The following ERBIN variants were observed in gnomAD, a reference collection of about 807,000 sequenced individuals.
The protein encoded by ERBIN is densin-180-like protein.
Under a neutral mutation model 158.4 loss-of-function variants are expected in ERBIN, and 60 were observed. That is an observed-to-expected ratio of 0.38 (90% confidence interval 0.31 to 0.47). ERBIN has a LOEUF of 0.47. Ranked by LOEUF, ERBIN falls within the 20% of genes least tolerant of loss-of-function variation. ERBIN has a pLI of 0.99. For synonymous variants in ERBIN, 594 were observed against 557.2 expected (o/e 1.07, Z -0.93); for missense variants, 1,610 against 1,648.0 (o/e 0.98, Z 0.40).
At chr5:65,929,707 C>CT (rs1315807639) in intron 1 of ERBIN, among the ~76,000 whole-genome samples, 1 of 142,894 alleles carries the variant, frequency 7.0e-6, no homozygotes, top group Admixed American at 7.1e-5. Flanking sequence ...GTGGCACAAT[C>CT]TCGACTCACC....
intron 4 of ERBIN, among the ~76,000 whole-genome samples, chr5:65,998,086 G>A (rs143171202): frequency 0.011 from 1,726 of 151,962 alleles, 28 homozygotes; most frequent in African/African-American, 0.038. Flanking sequence ...AATTAGCCAG[G>A]CGTGGTGGCA....
intron 17 of ERBIN, among the ~76,000 whole-genome samples, chr5:66,045,171 A>T (rs560911151): frequency 2.6e-5 from 4 of 152,186 alleles, no homozygotes; most frequent in African/African-American, 9.6e-5. Context: ...GTGAGCTATG[A>T]TCATGCCACA....
intron 14 of ERBIN, among the ~76,000 whole-genome samples, chr5:66,033,891 C>T (rs1757131601): frequency 6.6e-6 from 1 of 151,978 alleles, no homozygotes. Flanking sequence ...GGTGGATCAC[C>T]TGAGGTCAGG....
chr5:65,978,893 A>G (rs1009795916), intron 1 of ERBIN, among the ~76,000 whole-genome samples: 1 of 152,192 alleles, frequency 6.6e-6, no homozygotes, highest in Non-Finnish European at 1.5e-5. Context: ...ATCTGAAGGT[A>G]AACTGAACCA....
At chr5:65,944,514 C>T (rs998620578) in intron 1 of ERBIN, among the ~76,000 whole-genome samples, 5 of 152,020 alleles carry the variant, frequency 3.3e-5, no homozygotes, top group African/African-American at 1.2e-4. Flanking sequence ...AAGCAATCCT[C>T]CCACCTCGTC....
chr5:65,953,914 A>G (rs571475079), intron 1 of ERBIN, among the ~76,000 whole-genome samples: 10 of 151,896 alleles, frequency 6.6e-5, no homozygotes, highest in Non-Finnish European at 1.2e-4. Context: ...ATGAAATTAG[A>G]CCCCCCTCCC....
intron 1 of ERBIN, among the ~76,000 whole-genome samples, chr5:65,985,366 AG>A (rs1277329494): frequency 6.6e-6 from 1 of 152,374 alleles, no homozygotes; most frequent in East Asian, 1.9e-4. Flanking sequence ...CTGGGATTAC[AG>A]GCGTGAGCCA....
chr5:66,016,322 A>G (rs72770213), intron 7 of ERBIN, among the ~76,000 whole-genome samples: 5,654 of 152,322 alleles, frequency 0.037, 152 homozygotes, highest in Non-Finnish European at 0.054. Context: ...AGCTAAGCCT[A>G]TAATTACTAT....
chr5:66,013,900 C>G (rs1050930668), intron 6 of ERBIN, among the ~76,000 whole-genome samples: 6 of 152,002 alleles, frequency 3.9e-5, no homozygotes, highest in African/African-American at 9.7e-5. Flanking sequence ...TTTCTGTATG[C>G]TTGAGATACT....
intron 1 of ERBIN, among the ~76,000 whole-genome samples, chr5:65,983,523 G>A (rs894492981): frequency 3.3e-5 from 5 of 151,918 alleles, no homozygotes; most frequent in African/African-American, 7.3e-5. Context: ...TTCATAAAAT[G>A]ACTTGGAACT....
chr5:65,977,321 G>C (rs1314532033), intron 1 of ERBIN, among the ~76,000 whole-genome samples: 3 of 151,168 alleles, frequency 2.0e-5, no homozygotes, highest in South Asian at 2.1e-4. Context: ...CCTCCCGGAC[G>C]AGGTGGCTGC....
intron 13 of ERBIN, among the ~76,000 whole-genome samples, 183 bp downstream of exon 13, chr5:66,026,600 T>G (rs76368325): frequency 0.011 from 1,685 of 152,062 alleles, 35 homozygotes; most frequent in African/African-American, 0.037. Context: ...TACAATGAAA[T>G]CACTTCTTTC....
intron 1 of ERBIN, among the ~76,000 whole-genome samples, chr5:65,974,546 T>C (rs1018217206): frequency 2.6e-5 from 4 of 152,228 alleles, no homozygotes; most frequent in African/African-American, 4.8e-5. Context: ...AGGGATGACA[T>C]TGATAGTTAC....
intron 14 of ERBIN, among the ~76,000 whole-genome samples, chr5:66,036,031 A>G (rs957392710): frequency 1.3e-5 from 2 of 152,134 alleles, no homozygotes; most frequent in East Asian, 1.9e-4. Flanking sequence ...CTAGGTTACA[A>G]TGAGCTATGA....
At chr5:65,954,032 G>A (rs1746811596) in intron 1 of ERBIN, among the ~76,000 whole-genome samples, 1 of 151,620 alleles carries the variant, frequency 6.6e-6, no homozygotes, top group African/African-American at 2.4e-5. Context: ...TCTCCTACCC[G>A]CTACCCCTTT....
At chr5:66,019,600 T>G (rs1755472833) in intron 7 of ERBIN, among the ~76,000 whole-genome samples, 1 of 152,192 alleles carries the variant, frequency 6.6e-6, no homozygotes, top group South Asian at 2.1e-4. Flanking sequence ...TTGTCAGTAT[T>G]AACTATAGAG....
chr5:66,014,523 T>G, intron 6 of ERBIN, 146 bp from the exon 7 acceptor site: 1 of 454,832 alleles, frequency 2.2e-6, no homozygotes, highest in Non-Finnish European at 3.9e-6. Context: ...TTCCTTTGTA[T>G]TTTATGTTCT....
intron 21 of ERBIN, among the ~76,000 whole-genome samples, chr5:66,060,248 C>T (rs1349679879): frequency 6.6e-6 from 1 of 152,176 alleles, no homozygotes; most frequent in African/African-American, 2.4e-5. Context: ...GATTCAACTT[C>T]TTCCTGGTTT....
rs183960286 is a variant in ERBIN at position 66,049,734 on chromosome 5, T to A, written c.1903+953T>A. Among the ~76,000 whole-genome samples, 3 of 152,196 alleles carry A rather than the reference T, an allele frequency of 2.0e-5. No individual in the cohort carries two copies. The East Asian group carries it at 5.8e-4, about 29-fold the overall frequency. Reference sequence around the variant, plus strand: ...GATATCCTTAATTCATATAATCATCTATGGATATGTCTATATACACTATTT... The same window carrying A: ...GATATCCTTAATTCATATAATCATCAATGGATATGTCTATATACACTATTT... On this transcript the variant is annotated intron_variant, in intron 19 of 25. Coordinates refer to ENST00000284037, the MANE Select transcript of ERBIN (RefSeq NM_001253697.2).
Sources: allele counts gnomAD v4.1 joint callset (sites outside exome capture counted in the v4.1 genomes callset), GRCh38; gene constraint gnomAD v4.1.1; transcripts MANE v1.5; gene names NCBI Gene and HGNC (gene_info 2026-07-23, HGNC 2026-07-21).